Variants in FGGY observed in about 807,000 individuals in gnomAD.
The protein encoded by FGGY is FGGY carbohydrate kinase domain containing, also known as FGGY carbohydrate kinase domain-containing protein.
Under a neutral mutation model 71.3 loss-of-function variants are expected in FGGY, and 72 were observed. The observed-to-expected ratio is 1.01, with a 90% CI of 0.84 to 1.23. The LOEUF (loss-of-function observed/expected upper bound fraction) is 1.23, where lower values mean the gene tolerates loss of function less well. FGGY is among the 50% of genes most tolerant of loss of function. FGGY has a pLI of 0.00. For synonymous variants in FGGY, 251 were observed against 250.3 expected (o/e 1.00, Z -0.02); for missense variants, 668 against 682.3 (o/e 0.98, Z 0.23).
At chr1:59,600,156 GA>G (rs1379878049) in intron 8 of FGGY, among the ~76,000 whole-genome samples, 1 of 152,158 alleles carries the variant, frequency 6.6e-6, no homozygotes, top group Non-Finnish European at 1.5e-5. Context: ...AAGAAATGAT[GA>G]AGGGCTGGAC....
chr1:59,727,997 CT>C (rs2097969626), intron 14 of FGGY, among the ~76,000 whole-genome samples: 3 of 152,030 alleles, frequency 2.0e-5, no homozygotes, highest in Non-Finnish European at 4.4e-5. Context: ...CAATTTCTTT[CT>C]TTTAATCAGT....
intron 7 of FGGY, among the ~76,000 whole-genome samples, chr1:59,547,262 T>G (rs2095540895): frequency 6.6e-6 from 1 of 152,160 alleles, no homozygotes; most frequent in Non-Finnish European, 1.5e-5. Context: ...CCTTTTTGAC[T>G]GTTTTACTCC....
At chr1:59,717,429 C>CATGGTT (rs546262574) in intron 14 of FGGY, among the ~76,000 whole-genome samples, 1 of 152,106 alleles carries the variant, frequency 6.6e-6, no homozygotes, top group Non-Finnish European at 1.5e-5. Context: ...GCAGCTATGG[C>CATGGTT]ATGGTTTAGA....
chr1:59,527,754 G>T (rs2095031150), intron 7 of FGGY, among the ~76,000 whole-genome samples: 1 of 152,160 alleles, frequency 6.6e-6, no homozygotes, highest in East Asian at 1.9e-4. Context: ...AGACAGAATG[G>T]AAAATGTATG....
chr1:59,646,318 C>CTTT lies in FGGY; in HGVS notation c.1221+7950_1221+7952dup, dbSNP rs201344875. On this transcript the variant is annotated intron_variant, in intron 11 of 15. Transcript: ENST00000303721. ...GTTATTTAACACTGATTTATTCGGACTTTTTTTTTACATATTTTTGCTTAT... is the reference window on the plus strand; with the variant it reads ...GTTATTTAACACTGATTTATTCGGACTTTTTTTTTTTTACATATTTTTGCTTAT... Among the ~76,000 whole-genome samples, 531 of 150,984 alleles carry CTTT rather than the reference C, an allele frequency of 3.5e-3. 4 individuals carry two copies. Among genetic ancestry groups the CTTT allele is most frequent in the African/African-American group, 0.012 (507 of 41,184 alleles).
chr1:59,433,796 C>T (rs945083259), intron 5 of FGGY, among the ~76,000 whole-genome samples: 5 of 152,134 alleles, frequency 3.3e-5, no homozygotes, highest in Admixed American at 6.5e-5. Context: ...GTGTAGGTTA[C>T]GTTACCCACG....
chr1:59,702,514 A>G (rs1458953120), intron 14 of FGGY, among the ~76,000 whole-genome samples: 3 of 152,204 alleles, frequency 2.0e-5, no homozygotes, highest in Admixed American at 2.0e-4. Context: ...AACATTGCTT[A>G]GATGAGAACT....
chr1:59,554,371 G>A lies in FGGY; in HGVS notation c.903+144G>A, dbSNP rs1368541670. The A allele has an allele frequency of 1.4e-5, 8 of 569,908 alleles. No homozygotes were observed. In the East Asian group the frequency reaches 2.4e-4, roughly 17 times the overall value. 35.3% of individuals were successfully genotyped at this position (569,908 alleles called of 1,614,324 possible). A position where few individuals can be genotyped will look rare whatever the true frequency, so the allele number is the denominator to read the frequency against. On this transcript the variant is annotated intron_variant, in intron 8 of 15. Coordinates refer to ENST00000303721, the MANE Select transcript of FGGY (RefSeq NM_018291.5). ...TGTGCTTTGTCTAGCCAGAAGCCCA[G>A]CTCCCCACTCTACCTCCCTTGCTTA...
intron 14 of FGGY, among the ~76,000 whole-genome samples, chr1:59,706,067 C>T (rs1033757730): frequency 6.6e-6 from 1 of 152,192 alleles, no homozygotes; most frequent in East Asian, 1.9e-4. Context: ...AGCCAGGGCT[C>T]TGGGGAACAG....
chr1:59,307,335 AAAATC>A (rs1443918495), intron 1 of FGGY, among the ~76,000 whole-genome samples: 2 of 151,910 alleles, frequency 1.3e-5, no homozygotes, highest in Non-Finnish European at 2.9e-5. Context: ...AAAAAAAAAA[AAAATC>A]GAGTGATTTA....
rs56172542 is a variant in FGGY at position 59,621,459 on chromosome 1, C to CAAA, written c.1012-4510_1012-4508dup. On this transcript the variant is annotated intron_variant, in intron 9 of 15. Transcript: ENST00000303721. Reference sequence around the variant, plus strand: ...AAAGAACTTGTCTTAGCCTCCGTCTCAAAAAAAAAAAAAAAAAAAAAGAAC... The same window carrying CAAA: ...AAAGAACTTGTCTTAGCCTCCGTCTCAAAAAAAAAAAAAAAAAAAAAAAAGAAC... 3.9e-3 allele frequency among the ~76,000 whole-genome samples: 383 copies of CAAA among 97,534 alleles called. 1 individual carries two copies. The highest frequency in any genetic ancestry group is 6.0e-3 in the Middle Eastern group (1 of 168). The allele number at this position is 97,534 out of a possible 152,430, so 64.0% of individuals were successfully genotyped here. A position where few individuals can be genotyped will look rare whatever the true frequency, so the allele number is the denominator to read the frequency against.
Position 59,359,991 on chromosome 1 carries a change from A to G in FGGY, c.465+13593A>G, listed in dbSNP as rs527352267. Among the ~76,000 whole-genome samples the G allele has an allele frequency of 2.6e-4, 40 of 152,232 alleles. 1 individual carries two copies. The highest frequency in any genetic ancestry group is 1.3e-4 in the Non-Finnish European group (9 of 68,014). Reference sequence around the variant, plus strand: ...GCATGGACGTACATTTTTTCTCAGTAACGCCACATGTGTAGAGTATTGATG... The same window carrying G: ...GCATGGACGTACATTTTTTCTCAGTGACGCCACATGTGTAGAGTATTGATG... On this transcript the variant is annotated intron_variant, in intron 4 of 15. Coordinates refer to ENST00000303721, the MANE Select transcript of FGGY (RefSeq NM_018291.5).
chr1:59,498,588 A>G (rs1347897103), intron 6 of FGGY, among the ~76,000 whole-genome samples: 1 of 152,068 alleles, frequency 6.6e-6, no homozygotes, highest in Non-Finnish European at 1.5e-5. Flanking sequence ...GCTGGGCTCC[A>G]CACCACAGTT....
chr1:59,610,328 G>A (rs1359116859), intron 9 of FGGY, among the ~76,000 whole-genome samples: 1 of 152,012 alleles, frequency 6.6e-6, no homozygotes, highest in African/African-American at 2.4e-5. Flanking sequence ...GTGAGAACAT[G>A]CAGTGTTTGG....
intron 14 of FGGY, among the ~76,000 whole-genome samples, chr1:59,706,475 T>C (rs2097758277): frequency 6.6e-6 from 1 of 152,198 alleles, no homozygotes. Context: ...AAATCATATA[T>C]GGTATCTGAA....
intron 8 of FGGY, among the ~76,000 whole-genome samples, chr1:59,568,473 G>C (rs1396027588): frequency 1.4e-5 from 2 of 142,108 alleles, no homozygotes; most frequent in Non-Finnish European, 3.1e-5. Context: ...GCGGGGGGGG[G>C]TGTTCTTATT....
chr1:59,323,669 T>C (rs542601416), intron 2 of FGGY, among the ~76,000 whole-genome samples: 6 of 152,252 alleles, frequency 3.9e-5, no homozygotes, highest in Admixed American at 2.6e-4. Context: ...GTTGTGATCT[T>C]GGACAAGTTA....
At chr1:59,388,811 T>C (rs1211641984) in intron 5 of FGGY, among the ~76,000 whole-genome samples, 1 of 152,192 alleles carries the variant, frequency 6.6e-6, no homozygotes, top group Non-Finnish European at 1.5e-5. Flanking sequence ...TTTAATTATT[T>C]TTAGGTATAT....
intron 8 of FGGY, among the ~76,000 whole-genome samples, chr1:59,575,865 G>C (rs1039955137): frequency 6.6e-6 from 1 of 152,142 alleles, no homozygotes; most frequent in Non-Finnish European, 1.5e-5. Flanking sequence ...TGGATGGTCA[G>C]TGAAGGCTTC....
Sources: gnomAD v4.1 joint callset for allele counts (sites outside exome capture counted in the v4.1 genomes callset) on GRCh38, gnomAD v4.1.1 for gene constraint, MANE v1.5 for transcripts, NCBI Gene and HGNC (gene_info 2026-07-23, HGNC 2026-07-21) for gene names.